FSHR: variants seen among roughly 807,000 people sequenced by gnomAD.
FSHR encodes the protein follicle stimulating hormone receptor.
In FSHR, 46 loss-of-function variants were observed where a neutral mutation model predicts 52.1. That is an observed-to-expected ratio of 0.88 (90% CI 0.70 to 1.13). FSHR has a LOEUF of 1.13. FSHR is among the 50% of genes most tolerant of loss of function. The pLI, the probability that FSHR is intolerant of heterozygous loss-of-function variation, is 0.00. For missense variants in FSHR, 964 were observed against 834.6 expected (o/e 1.16, Z -1.91); for synonymous variants, 399 against 309.6 (o/e 1.29, Z -3.03).
At chr2:49,034,959 A>C (rs1558402978) in intron 2 of FSHR, among the ~76,000 whole-genome samples, 1 of 152,312 alleles carries the variant, frequency 6.6e-6, no homozygotes, top group South Asian at 2.1e-4. Flanking sequence ...AAGGTGTTTT[A>C]TTTTAACATT....
chr2:49,081,946 G>A (rs537273031), intron 1 of FSHR, among the ~76,000 whole-genome samples: 1 of 152,260 alleles, frequency 6.6e-6, no homozygotes, highest in East Asian at 1.9e-4. Flanking sequence ...TTTTTATGAT[G>A]GCCCAAGTGT....
At position 48,963,648 on chromosome 2, in the gene FSHR, T is replaced by C. The variant is rs200532372; in HGVS notation, c.1173A>G (p.Gln391=). 3.0e-5 allele frequency: 49 copies of C among 1,614,000 alleles called. No homozygotes were observed. Among genetic ancestry groups the C allele is most frequent in the Non-Finnish European group, 3.4e-5 (40 of 1,179,994 alleles). The change falls in exon 10 of 10, where the codon CAA becomes CAG. Residue 391 remains glutamine (Q), a synonymous_variant. Coordinates refer to ENST00000406846, the MANE Select transcript of FSHR (RefSeq NM_000145.4). ...GGAACCTGGGGACTGTGAGTTTATA[T>C]TGGCTGGTAGTTAGGATCACTAGCA... ...IIVLVILTTS[Q]YKLTVPRFLM...
chr2:49,024,296 C>T (rs1460900717), intron 2 of FSHR, among the ~76,000 whole-genome samples: 3 of 152,010 alleles, frequency 2.0e-5, no homozygotes, highest in South Asian at 4.1e-4. Context: ...AAATAAGGGC[C>T]GGGTACAGTG....
At chr2:49,038,628 ATAATAATAATAATAAT>A (rs1157077756) in intron 2 of FSHR, among the ~76,000 whole-genome samples, 3 of 111,858 alleles carry the variant, frequency 2.7e-5, no homozygotes, top group South Asian at 3.0e-4. Flanking sequence ...CTGTCTCAAA[ATAATAATAATAATAAT>A]AATAATAATA....
At chr2:49,118,064 G>C (rs547675083) in intron 1 of FSHR, among the ~76,000 whole-genome samples, 9 of 152,330 alleles carry the variant, frequency 5.9e-5, no homozygotes, top group African/African-American at 2.2e-4. Context: ...AGTAGGTGTA[G>C]CCGATGGCTC....
chr2:49,094,710 T>A (rs1270919461), intron 1 of FSHR, among the ~76,000 whole-genome samples: 1 of 151,810 alleles, frequency 6.6e-6, no homozygotes, highest in Non-Finnish European at 1.5e-5. Flanking sequence ...ATGCCTACGT[T>A]AAAAAAGAAG....
At chr2:49,008,795 T>C (rs1667161717) in intron 4 of FSHR, among the ~76,000 whole-genome samples, 1 of 146,536 alleles carries the variant, frequency 6.8e-6, no homozygotes, top group Admixed American at 6.9e-5. Flanking sequence ...GAGCATTTTT[T>C]CATGTGTTTT....
chr2:49,137,197 A>G (rs1343499780), intron 1 of FSHR, among the ~76,000 whole-genome samples: 1 of 152,154 alleles, frequency 6.6e-6, no homozygotes, highest in Non-Finnish European at 1.5e-5. Context: ...AATCAATTGT[A>G]GTTCTCTGTA....
intron 1 of FSHR, among the ~76,000 whole-genome samples, chr2:49,147,656 A>T (rs1672916565): frequency 6.6e-6 from 1 of 151,968 alleles, no homozygotes; most frequent in East Asian, 1.9e-4. Flanking sequence ...ACTTTAAAGG[A>T]TTCTTTCCCT....
In FSHR at chr2:49,020,180, T is replaced by A; in HGVS notation, c.225-20A>T. Reference sequence around the variant, plus strand: ...ATCTCTCTGTGGAGAAAAAAATATATAAGTCAAGCCAGTTCAGTTACACTC... The same window carrying A: ...ATCTCTCTGTGGAGAAAAAAATATAAAAGTCAAGCCAGTTCAGTTACACTC... On this transcript the variant is annotated intron_variant, in intron 2 of 9. Coordinates refer to ENST00000406846, the MANE Select transcript of FSHR (RefSeq NM_000145.4). The A allele has an allele frequency of 6.3e-7, 1 of 1,594,342 alleles. No individual in the cohort carries two copies. Among genetic ancestry groups the A allele is most frequent in the Middle Eastern group, 1.7e-4 (1 of 6,024 alleles).
chr2:49,038,653 TAATAA>T (rs1558405013), intron 2 of FSHR, among the ~76,000 whole-genome samples: 2 of 120,566 alleles, frequency 1.7e-5, no homozygotes, highest in African/African-American at 6.0e-5. Flanking sequence ...ATAATAATAA[TAATAA>T]TAATAATAAT....
intron 2 of FSHR, among the ~76,000 whole-genome samples, chr2:49,049,785 A>G (rs570816317): frequency 1.1e-4 from 17 of 150,674 alleles, no homozygotes; most frequent in African/African-American, 4.2e-4. Flanking sequence ...GATCTCAAGA[A>G]CTCTGCTTTC....
At chr2:49,085,025 T>G (rs1670321493) in intron 1 of FSHR, among the ~76,000 whole-genome samples, 3 of 152,168 alleles carry the variant, frequency 2.0e-5, no homozygotes, top group South Asian at 2.1e-4. Context: ...TACCAAAGCC[T>G]GGTAGAGACA....
At chr2:49,045,124 A>G (rs1288333327) in intron 2 of FSHR, among the ~76,000 whole-genome samples, 2 of 152,222 alleles carry the variant, frequency 1.3e-5, no homozygotes, top group African/African-American at 4.8e-5. Flanking sequence ...TTTGGCTAAT[A>G]GCAGTGAATT....
chr2:48,964,564 TCA>T (rs1405793613), intron 9 of FSHR, among the ~76,000 whole-genome samples: 5 of 152,190 alleles, frequency 3.3e-5, no homozygotes, highest in Admixed American at 6.5e-5. Flanking sequence ...CTTTATTATC[TCA>T]CTTTCTGGGG....
intron 1 of FSHR, among the ~76,000 whole-genome samples, chr2:49,128,660 A>T (rs1672150433): frequency 6.7e-6 from 1 of 148,726 alleles, no homozygotes; most frequent in African/African-American, 2.5e-5. Context: ...AGAATTGTCC[A>T]GGAAGGTGTT....
intron 2 of FSHR, among the ~76,000 whole-genome samples, chr2:49,056,582 C>T (rs904677446): frequency 6.0e-5 from 9 of 151,066 alleles, no homozygotes; most frequent in African/African-American, 2.2e-4. Context: ...ACTTCAACAC[C>T]CTACTCTCAG....
Position 48,990,601 on chromosome 2 carries a change from A to G in FSHR, c.411T>C (p.Asp137=). 14 of 1,612,372 alleles carry G rather than the reference A, an allele frequency of 8.7e-6. No homozygotes were observed. The highest frequency in any genetic ancestry group is 1.2e-5 in the Non-Finnish European group (14 of 1,178,438). ...ISNTGIKHLP[D]VHKIHSLQKV... ...TTTGGAGAGAATGAATCTTGTGAAC[A>G]TCTGGAAGGTGCTTAATACCTGTGT... The change falls in exon 5 of 10, where the codon GAT becomes GAC. Residue 137 remains aspartate (D), a synonymous_variant. Coordinates refer to ENST00000406846, the MANE Select transcript of FSHR (RefSeq NM_000145.4).
At chr2:48,981,854 G>T (rs1392129248) in intron 8 of FSHR, among the ~76,000 whole-genome samples, 1 of 152,162 alleles carries the variant, frequency 6.6e-6, no homozygotes, top group African/African-American at 2.4e-5. Context: ...GGTAGCCTAT[G>T]CTAACTGCCA....
Sources: gnomAD v4.1 joint callset for allele counts (sites outside exome capture counted in the v4.1 genomes callset) on GRCh38, gnomAD v4.1.1 for gene constraint, MANE v1.5 for transcripts, NCBI Gene and HGNC (gene_info 2026-07-23, HGNC 2026-07-21) for gene names.